The following MROH2B variants were observed in gnomAD, a reference collection of about 807,000 sequenced individuals.
MROH2B encodes maestro heat like repeat family member 2B.
Under a neutral mutation model 208.6 loss-of-function variants are expected in MROH2B, and 177 were observed. The ratio of observed to expected loss-of-function variants is 0.85; its 90% CI spans 0.75 to 0.96. The LOEUF (loss-of-function observed/expected upper bound fraction) is 0.96. MROH2B is among the 40% of genes least tolerant of loss of function. The pLI is 0.00. For missense variants in MROH2B, 2,002 were observed against 1,878.7 expected (o/e 1.07, Z -1.21); for synonymous variants, 728 against 659.0 (o/e 1.10, Z -1.60).
At chr5:41,006,414 A>G (rs1741595210) in intron 34 of MROH2B, among the ~76,000 whole-genome samples, 1 of 152,246 alleles carries the variant, frequency 6.6e-6, no homozygotes, top group South Asian at 2.1e-4. Flanking sequence ...TACAACCACT[A>G]TGGAAAACAG....
chr5:41,027,768 G>A (rs1027507491), intron 24 of MROH2B, among the ~76,000 whole-genome samples: 2 of 152,158 alleles, frequency 1.3e-5, no homozygotes, highest in South Asian at 2.1e-4. Context: ...ATTCACAATA[G>A]CAAAGACTTG....
chr5:41,063,926 C>G lies in MROH2B; in HGVS notation c.460+546G>C, dbSNP rs554634807. Among the ~76,000 whole-genome samples, 3 of 152,302 alleles carry G rather than the reference C, an allele frequency of 2.0e-5. No individual in the cohort carries two copies. The East Asian group carries it at 5.8e-4, about 29-fold the overall frequency. On this transcript the variant is annotated intron_variant, in intron 5 of 41. Transcript: ENST00000399564. Reference sequence around the variant, plus strand: ...TTTGGGGTAGAGGAGTTTGTGACCACAGTTTGCTTGCCTATTTTTCTTGAT... The same window carrying G: ...TTTGGGGTAGAGGAGTTTGTGACCAGAGTTTGCTTGCCTATTTTTCTTGAT...
At chr5:41,030,742 G>A (rs1252733746) in intron 24 of MROH2B, among the ~76,000 whole-genome samples, 3 of 152,056 alleles carry the variant, frequency 2.0e-5, no homozygotes, top group African/African-American at 7.2e-5. Flanking sequence ...TACTGAAACA[G>A]CATGGCACTG....
intron 24 of MROH2B, among the ~76,000 whole-genome samples, chr5:41,023,135 C>T (rs1742217187): frequency 6.6e-6 from 1 of 152,136 alleles, no homozygotes; most frequent in Admixed American, 6.5e-5. Flanking sequence ...AATCAGAGCG[C>T]TCTCCCCCTC....
At chr5:41,055,879 G>T (rs1358556473) in intron 9 of MROH2B, 24 bp from the exon 10 acceptor site, 1 of 1,522,320 alleles carries the variant, frequency 6.6e-7, no homozygotes, top group Admixed American at 1.7e-5. Context: ...AAACACTAGA[G>T]CTGTAACTCA....
chr5:41,048,394 A>G lies in MROH2B; in HGVS notation c.1614T>C (p.Pro538=). The change falls in exon 16 of 42, where the codon CCT becomes CCC. Residue 538 remains proline, a synonymous_variant. Coordinates refer to ENST00000399564, the MANE Select transcript of MROH2B (RefSeq NM_173489.5). ...CTACCAATTTTGGGTGAATTATCTC[A>G]GGCAGTATCTTCAAAAGCCCTATTG... The part of the protein sequence containing the change: ...AGAIGLLKIL[P]EIIHPKLVDL... The G allele has an allele frequency of 1.2e-6, 2 of 1,613,450 alleles. No homozygotes were observed. Among genetic ancestry groups the G allele is most frequent in the Non-Finnish European group, 1.7e-6 (2 of 1,179,474 alleles).
At chr5:41,069,054 T>C (rs527349469) in intron 2 of MROH2B, among the ~76,000 whole-genome samples, 3 of 152,162 alleles carry the variant, frequency 2.0e-5, no homozygotes, top group Non-Finnish European at 4.4e-5. Context: ...TGGGCTTGCT[T>C]TTGGATATAG....
rs780528379 is a variant in MROH2B, at chr5:41,048,316, CCTTGTACCT to C, written c.1683_1684+7del. On this transcript the variant is annotated splice_donor_variant and splice_donor_5th_base_variant and coding_sequence_variant and intron_variant, in exon 16 of 42. Transcript: ENST00000399564. LOFTEE classifies it high-confidence loss of function. ...CCTGGGTAAAGACCTGGCCCCAATC[CCTTGTACCT>C]TCCAGAGGCTGCAGAAGCTCAGGTA... The C allele has an allele frequency of 2.1e-5, 34 of 1,610,418 alleles. No homozygotes were observed. The highest frequency in any genetic ancestry group is 4.0e-5 in the African/African-American group (3 of 74,730).
intron 13 of MROH2B, among the ~76,000 whole-genome samples, chr5:41,050,346 G>C (rs535649150): frequency 6.6e-6 from 1 of 152,244 alleles, no homozygotes; most frequent in Non-Finnish European, 1.5e-5. Flanking sequence ...ACTTTAGTAT[G>C]TATCAGAAAT....
At chr5:41,060,495 T>G (rs1201891886) in intron 6 of MROH2B, among the ~76,000 whole-genome samples, 1 of 152,168 alleles carries the variant, frequency 6.6e-6, no homozygotes, top group Non-Finnish European at 1.5e-5. Context: ...CCCTTCTCCA[T>G]CTCCCATCAC....
chr5:41,019,244 G>T (rs1262757703), intron 24 of MROH2B, among the ~76,000 whole-genome samples: 1 of 152,148 alleles, frequency 6.6e-6, no homozygotes, highest in Non-Finnish European at 1.5e-5. Context: ...CTTTAGATTA[G>T]ATTGATGAAC....
chr5:41,041,885 A>G (rs1188164002), intron 19 of MROH2B, among the ~76,000 whole-genome samples: 1 of 152,186 alleles, frequency 6.6e-6, no homozygotes, highest in African/African-American at 2.4e-5. Context: ...ATTTTTCAAT[A>G]TTTTCATAAA....
intron 7 of MROH2B, 143 bp downstream of exon 7, chr5:41,057,920 C>A: frequency 1.5e-6 from 1 of 682,018 alleles, no homozygotes; most frequent in East Asian, 3.3e-5. Context: ...AATCTTTTTC[C>A]TACCTCATAT....
intron 33 of MROH2B, among the ~76,000 whole-genome samples, 171 bp downstream of exon 33, chr5:41,008,435 C>T (rs1181675957): frequency 6.6e-6 from 1 of 152,084 alleles, no homozygotes; most frequent in Non-Finnish European, 1.5e-5. Flanking sequence ...GATACTGGCT[C>T]AAGAAGAACT....
intron 28 of MROH2B, 104 bp from the exon 29 acceptor site, chr5:41,015,582 G>A: frequency 2.0e-6 from 2 of 979,736 alleles, no homozygotes; most frequent in South Asian, 3.1e-5. Flanking sequence ...GCTGTCTGAT[G>A]AGATGGTGAA....
chr5:41,045,522 T>C (rs932580808), intron 18 of MROH2B, among the ~76,000 whole-genome samples: 2 of 152,172 alleles, frequency 1.3e-5, no homozygotes, highest in Non-Finnish European at 2.9e-5. Context: ...TACCTCTCAG[T>C]CTTCCTCGCA....
chr5:41,008,709 G>C lies in MROH2B; in HGVS notation c.3505C>G (p.Leu1169Val), dbSNP rs778777796. The change falls in exon 33 of 42, where the codon CTG becomes GTG. Residue 1169 changes from leucine to valine, a missense_variant. Transcript: ENST00000399564. The stretch of plus-strand genomic sequence containing the variant: ...TTCTGGCCCAGTGTGCAGCTAACCA[G>C]CTTCAGGAGGAGAGTGAACAGCTCT... ...YPELFTLLLK[L>V]VSCTLGQKML... The C allele has an allele frequency of 6.2e-7, 1 of 1,613,904 alleles. No homozygotes were observed. Among genetic ancestry groups the C allele is most frequent in the Admixed American group, 1.7e-5 (1 of 60,010 alleles).
intron 6 of MROH2B, among the ~76,000 whole-genome samples, chr5:41,058,877 G>T (rs1743548124): frequency 6.6e-6 from 1 of 150,996 alleles, no homozygotes; most frequent in South Asian, 2.1e-4. Context: ...TGAAATCCCC[G>T]TCTCTACTAA....
rs140737572 is a variant in MROH2B at position 41,045,890 on chromosome 5, C to T, written c.1729-37G>A. On this transcript the variant is annotated intron_variant, in intron 17 of 41. Transcript: ENST00000399564. ...AGTGGAAGTTAGATGTGAATATGACCGTTTCATGTGCTTTCTTGGCATATT... is the reference window on the plus strand; with the variant it reads ...AGTGGAAGTTAGATGTGAATATGACTGTTTCATGTGCTTTCTTGGCATATT... The T allele has an allele frequency of 4.5e-5, 65 of 1,437,434 alleles. No homozygotes were observed. In the East Asian group the frequency reaches 5.1e-4, roughly 11 times the overall value. 89.0% of individuals were successfully genotyped at this position (1,437,434 alleles called of 1,614,324 possible). A position where few individuals can be genotyped will look rare whatever the true frequency, so the allele number is the denominator to read the frequency against.
Sources: allele counts gnomAD v4.1 joint callset (sites outside exome capture counted in the v4.1 genomes callset), GRCh38; gene constraint gnomAD v4.1.1; transcripts MANE v1.5; gene names NCBI Gene and HGNC (gene_info 2026-07-23, HGNC 2026-07-21).